CCN4: variants seen among roughly 807,000 people sequenced by gnomAD.
CCN4 encodes cellular communication network factor 4.
CCN4 carries 30 observed loss-of-function variants against 36.7 expected under a neutral mutation model. That is an observed-to-expected ratio of 0.82 (90% CI 0.61 to 1.11). CCN4 has a LOEUF of 1.11. Among genes scored for constraint, CCN4 ranks in the 50% least tolerant of loss-of-function variants. The pLI, the probability that CCN4 is intolerant of heterozygous loss-of-function variation, is 0.00. For missense variants in CCN4, 505 were observed against 504.9 expected (o/e 1.00, Z 0.00); for synonymous variants, 191 against 195.4 (o/e 0.98, Z 0.19).
intron 1 of CCN4, among the ~76,000 whole-genome samples, chr8:133,198,888 G>A (rs1043792646): frequency 2.6e-5 from 4 of 152,224 alleles, no homozygotes; most frequent in Non-Finnish European, 4.4e-5. Context: ...CCTCTACCAG[G>A]CTTGCCCATA....
At position 133,227,450 on chromosome 8, in the gene CCN4, T is replaced by A; in HGVS notation, c.844T>A (p.Ser282Thr). Residue 282 changes from serine to threonine, a missense_variant, in exon 5 of 5, where the codon TCC becomes ACC. Ser to Thr is a moderately conservative substitution (Grantham distance 58). Coordinates refer to ENST00000250160, the MANE Select transcript of CCN4 (RefSeq NM_003882.4). ...TCTGGCTGTGTACCAGCCAGAGGCA[T>A]CCATGAACTTCACACTTGCGGGCTG... ...KCLAVYQPEA[S>T]MNFTLAGCIS... is the part of the protein sequence containing the mutation. 6.2e-7 allele frequency: 1 copy of A among 1,614,166 alleles called. No individual in the cohort carries two copies. Among genetic ancestry groups the A allele is most frequent in the East Asian group, 2.2e-5 (1 of 44,884 alleles).
intron 1 of CCN4, among the ~76,000 whole-genome samples, chr8:133,201,029 C>G (rs1182906533): frequency 6.6e-6 from 1 of 152,176 alleles, no homozygotes; most frequent in Non-Finnish European, 1.5e-5. Flanking sequence ...TATTCCCAAC[C>G]CCATGCCCTT....
chr8:133,200,199 C>A (rs1284178969), intron 1 of CCN4, among the ~76,000 whole-genome samples: 2 of 152,192 alleles, frequency 1.3e-5, no homozygotes, highest in Non-Finnish European at 2.9e-5. Flanking sequence ...ATCCACGAAC[C>A]ATTGCCAGAT....
In CCN4 at chr8:133,191,058, G is replaced by A; in HGVS notation, c.-87G>A. ...AGAGGCATATCTGGTGCTCCTGATGGGCCGGCCAGTCTGGGCCCAGCTCCC... is the reference window on the plus strand; with the variant it reads ...AGAGGCATATCTGGTGCTCCTGATGAGCCGGCCAGTCTGGGCCCAGCTCCC... On this transcript the variant is annotated 5_prime_UTR_variant, in exon 1 of 5. Coordinates refer to ENST00000250160, the MANE Select transcript of CCN4 (RefSeq NM_003882.4). 2.1e-6 allele frequency: 3 copies of A among 1,448,124 alleles called. No homozygotes were observed. The highest frequency in any genetic ancestry group is 1.4e-5 in the African/African-American group (1 of 71,552). 89.7% of individuals were successfully genotyped at this position (1,448,124 alleles called of 1,614,324 possible). A position where few individuals can be genotyped will look rare whatever the true frequency, so the allele number is the denominator to read the frequency against.
rs555686520 is a variant in CCN4 at position 133,229,992 on chromosome 8, C to T, written c.*2282C>T. The T allele has an allele frequency of 6.6e-6, 1 of 152,342 alleles. No homozygotes were observed. Among genetic ancestry groups the T allele is most frequent in the Non-Finnish European group, 1.5e-5 (1 of 68,034 alleles). The allele number at this position is 152,342 out of a possible 1,614,324, so 9.4% of individuals were successfully genotyped here. On this transcript the variant is annotated 3_prime_UTR_variant, in exon 5 of 5. Coordinates refer to ENST00000250160, the MANE Select transcript of CCN4 (RefSeq NM_003882.4). ...AATTACAAGGCTGGATAACAGCTCA[C>T]TCCATTTGAAATTCAGTGGAAACCC...
intron 3 of CCN4, among the ~76,000 whole-genome samples, chr8:133,221,794 T>C (rs1159146491): frequency 6.6e-6 from 1 of 151,776 alleles, no homozygotes; most frequent in Non-Finnish European, 1.5e-5. Flanking sequence ...AATGGATGGA[T>C]GGATGAATTG....
In CCN4 at chr8:133,220,623, A is replaced by G. The variant is rs752828614; in HGVS notation, c.392A>G (p.Asn131Ser). Residue 131 changes from asparagine (N) to serine (S), a missense_variant, in exon 3 of 5, where the codon AAC becomes AGC. Asn to Ser is a conservative substitution (Grantham distance 46). Transcript: ENST00000250160. Reference protein sequence around the residue: ...VGCVLDGVRYNNGQSFQPNCK... With the variant: ...VGCVLDGVRYSNGQSFQPNCK... ...TGCGTCCTGGATGGGGTGCGCTACA[A>G]CAACGGCCAGTCCTTCCAGCCTAAC... 13 of 1,614,188 alleles carry G rather than the reference A, an allele frequency of 8.1e-6. No individual in the cohort carries two copies. The highest frequency in any genetic ancestry group is 2.2e-5 in the East Asian group (1 of 44,880).
chr8:133,218,153 G>C lies in CCN4; in HGVS notation c.350-2428G>C, dbSNP rs140678422. On this transcript the variant is annotated intron_variant, in intron 2 of 4. Transcript: ENST00000250160. ...CCCAGCTGTATCATTCAACAGTTTCGTGACCTTGAACAAACGAATCATTTA... is the reference window on the plus strand; with the variant it reads ...CCCAGCTGTATCATTCAACAGTTTCCTGACCTTGAACAAACGAATCATTTA... Among the ~76,000 whole-genome samples the C allele has an allele frequency of 2.2e-3, 336 of 152,166 alleles. 1 individual carries two copies. The highest frequency in any genetic ancestry group is 7.8e-3 in the African/African-American group (322 of 41,488).
In CCN4 at chr8:133,231,485, T is replaced by C. The variant is rs1469550697; in HGVS notation, c.*3775T>C. The C allele has an allele frequency of 2.0e-5, 3 of 152,224 alleles. No homozygotes were observed. Among genetic ancestry groups the C allele is most frequent in the African/African-American group, 7.2e-5 (3 of 41,446 alleles). The allele number at this position is 152,224 out of a possible 1,614,324, so 9.4% of individuals were successfully genotyped here. ...GTCATGTTTCACAACAGTTCTCATT[T>C]TTCTCATGATTTGTGTAGCGTGGAA... On this transcript the variant is annotated 3_prime_UTR_variant, in exon 5 of 5. Coordinates refer to ENST00000250160, the MANE Select transcript of CCN4 (RefSeq NM_003882.4).
rs115527775 is a variant in CCN4, at chr8:133,195,963, C to T, written c.69+4750C>T. ...TATGGAAGCAAGGGTGGCGAAGCAG[C>T]CATGGTCCAGGTGGGTTCCTGGGAG... On this transcript the variant is annotated intron_variant, in intron 1 of 4. Transcript: ENST00000250160. Among the ~76,000 whole-genome samples, 954 of 152,286 alleles carry T rather than the reference C, an allele frequency of 6.3e-3. 10 individuals are homozygous for T. Among genetic ancestry groups the T allele is most frequent in the African/African-American group, 0.022 (912 of 41,554 alleles).
intron 3 of CCN4, among the ~76,000 whole-genome samples, chr8:133,224,230 T>C (rs1181535212): frequency 2.0e-4 from 1 of 4,956 alleles, no homozygotes; most frequent in Non-Finnish European, 6.2e-4. Context: ...CCGTAAGTCC[T>C]TTTTTTTTTT....
rs773489554 is a variant in CCN4, at chr8:133,212,821, C to T, written c.70-43C>T. On this transcript the variant is annotated intron_variant, in intron 1 of 4. Transcript: ENST00000250160. ...GCAGGGCCCTTTGGGCGTTGAAACC[C>T]CTGTCTCAGCAGCCCCCCTTTCCCT... 4 of 1,460,214 alleles carry T rather than the reference C, an allele frequency of 2.7e-6. No homozygotes were observed. In the South Asian group the frequency reaches 5.3e-5, roughly 19 times the overall value. The allele number at this position is 1,460,214 out of a possible 1,614,324, so 90.5% of individuals were successfully genotyped here.
chr8:133,213,798 A>G (rs1374767095), intron 2 of CCN4, among the ~76,000 whole-genome samples: 1 of 146,330 alleles, frequency 6.8e-6, no homozygotes, highest in Non-Finnish European at 1.5e-5. Context: ...TCACAGGGGG[A>G]AATATACTAC....
At position 133,223,150 on chromosome 8, in the gene CCN4, C is replaced by T. The variant is rs563540519; in HGVS notation, c.611-2240C>T. Among the ~76,000 whole-genome samples the T allele has an allele frequency of 1.1e-3, 171 of 152,164 alleles. 1 individual carries two copies. Among genetic ancestry groups the T allele is most frequent in the African/African-American group, 3.9e-3 (161 of 41,514 alleles). On this transcript the variant is annotated intron_variant, in intron 3 of 4. Coordinates refer to ENST00000250160, the MANE Select transcript of CCN4 (RefSeq NM_003882.4). Reference sequence around the variant, plus strand: ...GGAGGAAAGCTTTGTCCCCAGCAGCCCCAGGGCAGCAAGGCAGCTCTCCCA... The same window carrying T: ...GGAGGAAAGCTTTGTCCCCAGCAGCTCCAGGGCAGCAAGGCAGCTCTCCCA...
intron 1 of CCN4, among the ~76,000 whole-genome samples, chr8:133,202,826 G>T (rs957760417): frequency 6.6e-6 from 1 of 152,206 alleles, no homozygotes; most frequent in African/African-American, 2.4e-5. Flanking sequence ...GTGCCTAGGG[G>T]TGCAAGTGCC....
Position 133,202,800 on chromosome 8 carries a change from A to G in CCN4, c.70-10064A>G, listed in dbSNP as rs140911981. On this transcript the variant is annotated intron_variant, in intron 1 of 4. Transcript: ENST00000250160. ...CCCCACTTGAAGGGGAGCCCCCACC[A>G]GGGCCCGGGATACAGGTGCCTAGGG... 2.3e-3 allele frequency among the ~76,000 whole-genome samples: 356 copies of G among 152,280 alleles called. 2 individuals are homozygous for G. The highest frequency in any genetic ancestry group is 8.2e-3 in the African/African-American group (341 of 41,568).
intron 1 of CCN4, 21 bp from the exon 2 acceptor site, chr8:133,212,843 C>T (rs1314463200): frequency 2.0e-6 from 3 of 1,523,898 alleles, no homozygotes; most frequent in East Asian, 4.8e-5. Flanking sequence ...GCCCCCCTTT[C>T]CCTCTGCCCT....
chr8:133,195,356 A>G (rs569294819), intron 1 of CCN4, among the ~76,000 whole-genome samples: 1 of 151,898 alleles, frequency 6.6e-6, no homozygotes, highest in Admixed American at 6.6e-5. Context: ...TGGGTGTGAG[A>G]TACAAACTCA....
intron 2 of CCN4, among the ~76,000 whole-genome samples, chr8:133,216,280 G>C (rs1015101219): frequency 6.6e-6 from 1 of 152,164 alleles, no homozygotes; most frequent in East Asian, 1.9e-4. Context: ...GGCTAAATCT[G>C]TCCTTAAAGA....
Sources: gnomAD v4.1 joint callset for allele counts (sites outside exome capture counted in the v4.1 genomes callset) on GRCh38, gnomAD v4.1.1 for gene constraint, MANE v1.5 for transcripts, NCBI Gene and HGNC (gene_info 2026-07-23, HGNC 2026-07-21) for gene names.